Variants in ASH1L observed in about 807,000 individuals in gnomAD.
ASH1L encodes histone-lysine N-methyltransferase ASH1L.
Under a neutral mutation model 269.0 loss-of-function variants are expected in ASH1L, and 23 were observed. That is an observed-to-expected ratio of 0.09 (90% CI 0.06 to 0.12). The LOEUF (loss-of-function observed/expected upper bound fraction) is 0.12. Among genes scored for constraint, ASH1L ranks in the 10% least tolerant of loss-of-function variants. The pLI is 1.00. For synonymous variants in ASH1L, 1,187 were observed against 1,253.5 expected (o/e 0.95, Z 1.12); for missense variants, 2,912 against 3,567.8 (o/e 0.82, Z 4.68).
At chr1:155,528,615 G>T (rs1485358456) in intron 1 of ASH1L, among the ~76,000 whole-genome samples, 1 of 152,086 alleles carries the variant, frequency 6.6e-6, no homozygotes, top group Admixed American at 6.6e-5. Context: ...CTTTTGTTCT[G>T]TTAATGCCTT....
At chr1:155,441,616 T>C (rs1432035570) in intron 4 of ASH1L, among the ~76,000 whole-genome samples, 1 of 148,278 alleles carries the variant, frequency 6.7e-6, no homozygotes, top group Non-Finnish European at 1.5e-5. Flanking sequence ...ACGCCCAGCA[T>C]CACACCTGGC....
chr1:155,442,998 C>A (rs969392110), intron 4 of ASH1L, among the ~76,000 whole-genome samples: 6 of 152,208 alleles, frequency 3.9e-5, no homozygotes, highest in Non-Finnish European at 7.3e-5. Flanking sequence ...CCTTTCCTAA[C>A]ACTAATCACA....
chr1:155,382,496 TCAAACAAA>T (rs796904417), intron 7 of ASH1L, among the ~76,000 whole-genome samples: 1 of 152,098 alleles, frequency 6.6e-6, no homozygotes, highest in Non-Finnish European at 1.5e-5. Flanking sequence ...AGACTCTGTC[TCAAACAAA>T]CAAACAAACG....
intron 12 of ASH1L, among the ~76,000 whole-genome samples, chr1:155,364,954 C>A (rs971444376): frequency 1.3e-5 from 2 of 150,184 alleles, no homozygotes; most frequent in Non-Finnish European, 3.0e-5. Context: ...GGCTGCTCTG[C>A]GCCTATGGAG....
rs1237725036 is a variant in ASH1L, at chr1:155,562,410, C to G, written c.-357G>C. ...TCGTCTCCCCTCCGCAAAGCGAACC[C>G]AAAATGGCGGCGGGAGCGGCGGCGG... On this transcript the variant is annotated 5_prime_UTR_variant, in exon 1 of 28. Coordinates refer to ENST00000392403, the MANE Select transcript of ASH1L (RefSeq NM_018489.3). 3 of 1,493,890 alleles carry G rather than the reference C, an allele frequency of 2.0e-6. No homozygotes were observed. Among genetic ancestry groups the G allele is most frequent in the Non-Finnish European group, 2.7e-6 (3 of 1,100,618 alleles). The allele number at this position is 1,493,890 out of a possible 1,614,324, so 92.5% of individuals were successfully genotyped here.
At chr1:155,502,729 G>A (rs1311677552) in intron 2 of ASH1L, among the ~76,000 whole-genome samples, 1 of 152,208 alleles carries the variant, frequency 6.6e-6, no homozygotes, top group Non-Finnish European at 1.5e-5. Context: ...TGTCTAAGCT[G>A]AGTCTTTCCA....
chr1:155,558,295 CCT>C (rs1251328401), intron 1 of ASH1L, among the ~76,000 whole-genome samples: 8 of 152,008 alleles, frequency 5.3e-5, no homozygotes, highest in African/African-American at 4.8e-5. Context: ...ATGGCAAAAC[CCT>C]GTCTTTACTA....
Position 155,459,879 on chromosome 1 carries a change from A to G in ASH1L, c.5004T>C (p.Asp1668=). The change falls in exon 4 of 28, where the codon GAT becomes GAC. Residue 1668 remains aspartate (D), a synonymous_variant. Coordinates refer to ENST00000392403, the MANE Select transcript of ASH1L (RefSeq NM_018489.3). ...TCTCTGATGGCCGCTGGGAGGGTTT[A>G]TCAGAGGTTGGCTGGGAGCCTGGAG... ...QTLAGSQPTS[D]KPSQRPSEST... The G allele has an allele frequency of 6.2e-7, 1 of 1,605,606 alleles. No individual in the cohort carries two copies. Among genetic ancestry groups the G allele is most frequent in the Non-Finnish European group, 8.5e-7 (1 of 1,177,000 alleles).
intron 2 of ASH1L, 73 bp downstream of exon 2, chr1:155,521,027 A>T (rs899128455): frequency 2.1e-6 from 3 of 1,415,798 alleles, no homozygotes; most frequent in Non-Finnish European, 2.9e-6. Flanking sequence ...CCGGAAATAC[A>T]TATATAGGAT....
At chr1:155,361,986 T>C (rs1654996998) in intron 12 of ASH1L, among the ~76,000 whole-genome samples, 1 of 151,616 alleles carries the variant, frequency 6.6e-6, no homozygotes, top group Admixed American at 6.6e-5. Flanking sequence ...CATGAGTGCC[T>C]CTCTTGTTCT....
At chr1:155,433,410 G>A in intron 5 of ASH1L, 1 of 1,607,520 alleles carries the variant, frequency 6.2e-7, no homozygotes, top group Non-Finnish European at 8.5e-7. Context: ...GCGTACTGTG[G>A]GCCTCAGGTT....
At chr1:155,539,582 G>A (rs1403808751) in intron 1 of ASH1L, among the ~76,000 whole-genome samples, 2 of 152,044 alleles carry the variant, frequency 1.3e-5, no homozygotes, top group African/African-American at 2.4e-5. Flanking sequence ...CTGAGTAGCT[G>A]GGACTACAGG....
chr1:155,461,379 AC>A (rs759049899), intron 3 of ASH1L, among the ~76,000 whole-genome samples: 32 of 139,136 alleles, frequency 2.3e-4, no homozygotes, highest in Admixed American at 9.6e-4. Flanking sequence ...CAAGAGTAAC[AC>A]GTTAAATTTT....
intron 6 of ASH1L, among the ~76,000 whole-genome samples, chr1:155,408,842 C>T (rs1023505124): frequency 1.1e-4 from 17 of 151,876 alleles, no homozygotes; most frequent in Admixed American, 1.1e-3. Context: ...TAGGGAGACC[C>T]TGTCTCTGGA....
intron 21 of ASH1L, among the ~76,000 whole-genome samples, chr1:155,345,771 C>T (rs1466441455): frequency 8.6e-5 from 13 of 150,958 alleles, no homozygotes; most frequent in African/African-American, 3.2e-4. Flanking sequence ...GACAGGGTTT[C>T]ACCATCTTGG....
chr1:155,522,787 A>G (rs573184733), intron 1 of ASH1L, among the ~76,000 whole-genome samples: 1 of 151,958 alleles, frequency 6.6e-6, no homozygotes, highest in South Asian at 2.1e-4. Context: ...CCTGGGTTCA[A>G]GAGATTCTCC....
chr1:155,361,392 C>A (rs1654925149), intron 12 of ASH1L, among the ~76,000 whole-genome samples: 1 of 151,844 alleles, frequency 6.6e-6, no homozygotes, highest in Admixed American at 6.6e-5. Context: ...TGGTGTGCAC[C>A]TGTAATCCCA....
intron 7 of ASH1L, among the ~76,000 whole-genome samples, chr1:155,386,262 G>T (rs1657419839): frequency 6.6e-6 from 1 of 152,004 alleles, no homozygotes; most frequent in Non-Finnish European, 1.5e-5. Flanking sequence ...TAGAGACAGG[G>T]TTTCACCATG....
rs768382171 is a variant in ASH1L at position 155,337,614 on chromosome 1, T to A, written c.*46A>T. On this transcript the variant is annotated 3_prime_UTR_variant, in exon 28 of 28. Coordinates refer to ENST00000392403, the MANE Select transcript of ASH1L (RefSeq NM_018489.3). The stretch of plus-strand genomic sequence containing the variant: ...CCAGAGAGCAGGAGGCAGGACTGAT[T>A]AGCTCCACTGGATCCCAGATGCTTG... The A allele has an allele frequency of 6.5e-7, 1 of 1,532,422 alleles. No individual in the cohort carries two copies. The highest frequency in any genetic ancestry group is 1.1e-5 in the South Asian group (1 of 89,278). The allele number at this position is 1,532,422 out of a possible 1,614,324, so 94.9% of individuals were successfully genotyped here.
Sources: allele counts gnomAD v4.1 joint callset (sites outside exome capture counted in the v4.1 genomes callset), GRCh38; gene constraint gnomAD v4.1.1; transcripts MANE v1.5; gene names NCBI Gene and HGNC (gene_info 2026-07-23, HGNC 2026-07-21).